The following MRPL20 variants were observed in gnomAD, a reference collection of about 807,000 sequenced individuals.
MRPL20 encodes mitochondrial ribosomal protein L20, also known as large ribosomal subunit protein bL20m.
MRPL20 carries 21 observed loss-of-function variants against 20.0 expected under a neutral mutation model. The observed-to-expected ratio is 1.05, with a 90% CI of 0.74 to 1.51. The LOEUF is 1.51. Among genes scored for constraint, MRPL20 ranks in the 40% most tolerant of loss-of-function variants. The pLI, the probability that MRPL20 is intolerant of heterozygous loss-of-function variation, is 0.00. For synonymous variants in MRPL20, 104 were observed against 73.0 expected (o/e 1.43, Z -2.17); for missense variants, 252 against 185.6 (o/e 1.36, Z -2.08).
At chr1:1,406,315 A>G (rs1645383532) in intron 2 of MRPL20, 1 of 179,528 alleles carries the variant, frequency 5.6e-6, no homozygotes, top group South Asian at 1.0e-4. Context: ...GCGCCATTGC[A>G]CTCCAGCCTG....
At position 1,403,120 on chromosome 1, in the gene MRPL20, T is replaced by C. The variant is rs139937811; in HGVS notation, c.277-864A>G. On this transcript the variant is annotated intron_variant, in intron 3 of 3. Transcript: ENST00000344843. The stretch of plus-strand genomic sequence containing the variant: ...CTCCAGCCTGAGCAACAGAGTGAGA[T>C]TGTATCCAAAAAAAAAAAGGAACAA... 4.3e-3 allele frequency among the ~76,000 whole-genome samples: 494 copies of C among 115,824 alleles called. 5 individuals carry two copies. The highest frequency in any genetic ancestry group is 0.024 in the African/African-American group (452 of 18,862). The allele number at this position is 115,824 out of a possible 152,430, so 76.0% of individuals were successfully genotyped here.
chr1:1,407,291 A>G lies in MRPL20; in HGVS notation c.-74T>C. 2.2e-6 allele frequency: 3 copies of G among 1,355,894 alleles called. No individual in the cohort carries two copies. Among genetic ancestry groups the G allele is most frequent in the Non-Finnish European group, 3.1e-6 (3 of 979,198 alleles). The allele number at this position is 1,355,894 out of a possible 1,614,324, so 84.0% of individuals were successfully genotyped here. ...CCGCTGCCATCTTGCCCGGGTCGGA[A>G]ATGGTGGTCACGAGCGCTTCCGGGT... On this transcript the variant is annotated 5_prime_UTR_variant, in exon 1 of 4. Coordinates refer to ENST00000344843, the MANE Select transcript of MRPL20 (RefSeq NM_017971.4).
chr1:1,402,010 G>C lies in MRPL20; in HGVS notation c.*73C>G. On this transcript the variant is annotated 3_prime_UTR_variant, in exon 4 of 4. Transcript: ENST00000344843. ...CCCTCATGTCTGTTATTGGGTTGTA[G>C]ATAAACAAAAGTATAAATCAAACAA... The C allele has an allele frequency of 2.6e-6, 4 of 1,515,110 alleles. No individual in the cohort carries two copies. The highest frequency in any genetic ancestry group is 3.6e-6 in the Non-Finnish European group (4 of 1,118,788). 93.9% of individuals were successfully genotyped at this position (1,515,110 alleles called of 1,614,324 possible). A position where few individuals can be genotyped will look rare whatever the true frequency, so the allele number is the denominator to read the frequency against.
At chr1:1,402,360 TG>T (rs1557749424) in intron 3 of MRPL20, 104 bp from the exon 4 acceptor site, 1 of 1,452,946 alleles carries the variant, frequency 6.9e-7, no homozygotes, top group Non-Finnish European at 9.0e-7. Flanking sequence ...CACACTCGCC[TG>T]GGGGGAGGGA....
chr1:1,402,521 C>A, intron 3 of MRPL20: 1 of 1,218,488 alleles, frequency 8.2e-7, no homozygotes. Flanking sequence ...GAACCAAACA[C>A]CTTGTTCAGG....
In MRPL20 at chr1:1,402,039, G is replaced by A. The variant is rs776339364; in HGVS notation, c.*44C>T. The A allele has an allele frequency of 3.2e-6, 5 of 1,571,458 alleles. No individual in the cohort carries two copies. The highest frequency in any genetic ancestry group is 1.9e-5 in the Admixed American group (1 of 52,854). On this transcript the variant is annotated 3_prime_UTR_variant, in exon 4 of 4. Transcript: ENST00000344843. ...AACAAAAGTATAAATCAAACAAACTGCAAATTACTCTGTCTCTTTTCCTAA... is the reference window on the plus strand; with the variant it reads ...AACAAAAGTATAAATCAAACAAACTACAAATTACTCTGTCTCTTTTCCTAA...
chr1:1,403,127 C>CCAAAA (rs1645348578), intron 3 of MRPL20, among the ~76,000 whole-genome samples: 2 of 138,474 alleles, frequency 1.4e-5, no homozygotes, highest in African/African-American at 5.5e-5. Flanking sequence ...AGATTGTATC[C>CCAAAA]AAAAAAAAAA....
chr1:1,406,939 G>C lies in MRPL20; in HGVS notation c.168C>G (p.Ala56=), dbSNP rs139495881. 2 of 1,613,738 alleles carry C rather than the reference G, an allele frequency of 1.2e-6. No homozygotes were observed. Among genetic ancestry groups the C allele is most frequent in the South Asian group, 2.2e-5 (2 of 91,086 alleles). ...TCATGTTCTTTTTCTTCAGGTATCG[G>C]GCTTTGGTGCATTTCACAAAGGCTC... ...VIRAFVKCTK[A]RYLKKKNMRT... Residue 56 remains alanine, a synonymous_variant, in exon 2 of 4, where the codon GCC becomes GCG. Coordinates refer to ENST00000344843, the MANE Select transcript of MRPL20 (RefSeq NM_017971.4).
chr1:1,402,773 G>A (rs1241915001), intron 3 of MRPL20, among the ~76,000 whole-genome samples: 7 of 152,128 alleles, frequency 4.6e-5, no homozygotes, highest in South Asian at 2.1e-4. Context: ...ACCTGAGGTC[G>A]GAAGTTCGAG....
In MRPL20 at chr1:1,402,221, A is replaced by G. The variant is rs1460185828; in HGVS notation, c.312T>C (p.Asp104=). Residue 104 remains aspartate, a synonymous_variant, in exon 4 of 4, where the codon GAT becomes GAC. Transcript: ENST00000344843. Reference sequence around the variant, plus strand: ...AAGTCTTTGGCTCGTAGATGGCCAGATCCGCTAGGACTTTCCTGTTGAGCT... The same window carrying G: ...AAGTCTTTGGCTCGTAGATGGCCAGGTCCGCTAGGACTTTCCTGTTGAGCT... ...QVELNRKVLA[D]LAIYEPKTFK... The G allele has an allele frequency of 6.8e-6, 11 of 1,613,760 alleles. No homozygotes were observed. The highest frequency in any genetic ancestry group is 8.5e-6 in the Non-Finnish European group (10 of 1,179,902).
At chr1:1,404,375 C>T (rs551447368) in intron 3 of MRPL20, among the ~76,000 whole-genome samples, 46 of 151,766 alleles carry the variant, frequency 3.0e-4, no homozygotes, top group African/African-American at 9.9e-4. Context: ...AGGATGGTCT[C>T]GATCTCCTGA....
rs1460325469 is a variant in MRPL20 at position 1,407,187 on chromosome 1, G to A, written c.31C>T (p.Arg11Trp). MVFLTAQLWL[R>W]NRVTDRYFRI... ...AAGTAGCGGTCGGTGACGCGATTCC[G>A]CAGCCAGAGCTGCGCGGTGAGGAAG... Residue 11 changes from arginine (R) to tryptophan (W), a missense_variant, in exon 1 of 4, where the codon CGG becomes TGG. Transcript: ENST00000344843. 1.2e-6 allele frequency: 2 copies of A among 1,606,292 alleles called. No individual in the cohort carries two copies. Among genetic ancestry groups the A allele is most frequent in the Non-Finnish European group, 1.7e-6 (2 of 1,176,886 alleles).
intron 3 of MRPL20, chr1:1,402,572 G>C (rs940983756): frequency 1.8e-6 from 2 of 1,094,982 alleles, no homozygotes; most frequent in African/African-American, 1.6e-5. Flanking sequence ...TGCTGGCCTA[G>C]GGTAACCCTT....
chr1:1,406,813 A>C, intron 2 of MRPL20, 96 bp downstream of exon 2: 2 of 1,030,680 alleles, frequency 1.9e-6, no homozygotes, highest in Non-Finnish European at 3.1e-6. Flanking sequence ...GAAGGGGCTG[A>C]GGGTGGCCGG....
At position 1,403,593 on chromosome 1, in the gene MRPL20, A is replaced by C. The variant is rs17363048; in HGVS notation, c.277-1337T>G. ...TTCCCTGAGTAAAATGGGAAAGTCA[A>C]ACCTCCTAAGCCTACCCTGAAGATC... is the stretch of plus-strand genomic sequence containing the variant. On this transcript the variant is annotated intron_variant, in intron 3 of 3. Coordinates refer to ENST00000344843, the MANE Select transcript of MRPL20 (RefSeq NM_017971.4). 3.3e-5 allele frequency among the ~76,000 whole-genome samples: 5 copies of C among 151,930 alleles called. No individual in the cohort carries two copies. In the East Asian group the frequency reaches 9.8e-4, roughly 30 times the overall value.
intron 3 of MRPL20, chr1:1,402,619 G>C (rs1170747988): frequency 2.0e-6 from 2 of 1,018,416 alleles, no homozygotes; most frequent in South Asian, 4.4e-5. Flanking sequence ...AACCACAGAG[G>C]ATTTCAGAAG....
intron 3 of MRPL20, 33 bp from the exon 4 acceptor site, chr1:1,402,289 G>A (rs765682873): frequency 6.3e-7 from 1 of 1,587,380 alleles, no homozygotes; most frequent in Non-Finnish European, 8.6e-7. Context: ...CCTGCTGTCA[G>A]TGTGAGACAC....
intron 2 of MRPL20, chr1:1,406,570 G>A: frequency 2.8e-6 from 1 of 363,630 alleles, no homozygotes; most frequent in Non-Finnish European, 5.3e-6. Context: ...CAAGGGGCTG[G>A]GTTGACTTCA....
At chr1:1,406,684 G>A (rs1645387411) in intron 2 of MRPL20, 2 of 572,714 alleles carry the variant, frequency 3.5e-6, no homozygotes, top group Non-Finnish European at 6.3e-6. Flanking sequence ...CAGTGGCCCG[G>A]GCGAGGGGCT....
Sources: allele counts gnomAD v4.1 joint callset (sites outside exome capture counted in the v4.1 genomes callset), GRCh38; gene constraint gnomAD v4.1.1; transcripts MANE v1.5; gene names NCBI Gene and HGNC (gene_info 2026-07-23, HGNC 2026-07-21).